Variants in LRRC49 observed in about 807,000 individuals in gnomAD.
LRRC49 encodes the protein leucine-rich repeat-containing protein 49.
LRRC49 carries 50 observed loss-of-function variants against 83.3 expected under a neutral mutation model. That is an observed-to-expected ratio of 0.60 (90% CI 0.48 to 0.76). LRRC49 has a LOEUF of 0.76. Among genes scored for constraint, LRRC49 ranks in the 30% least tolerant of loss-of-function variants. The pLI, the probability that LRRC49 is intolerant of heterozygous loss-of-function variation, is 0.00. For synonymous variants in LRRC49, 286 were observed against 283.3 expected (o/e 1.01, Z -0.10); for missense variants, 704 against 809.1 (o/e 0.87, Z 1.58).
intron 14 of LRRC49, among the ~76,000 whole-genome samples, chr15:71,017,733 A>G (rs538063798): frequency 1.2e-4 from 19 of 152,316 alleles, no homozygotes; most frequent in Admixed American, 5.2e-4. Flanking sequence ...ATTCAGGACA[A>G]TGTACACTGT....
At chr15:71,038,230 CTAGATATA>C (rs2039585916) in intron 15 of LRRC49, among the ~76,000 whole-genome samples, 1 of 152,006 alleles carries the variant, frequency 6.6e-6, no homozygotes, top group African/African-American at 2.4e-5. Flanking sequence ...ATATGTATCT[CTAGATATA>C]TAGATATAAC....
chr15:71,047,481 C>T (rs2039886682), intron 15 of LRRC49, among the ~76,000 whole-genome samples: 1 of 152,092 alleles, frequency 6.6e-6, no homozygotes, highest in South Asian at 2.1e-4. Context: ...TCACTGTCAG[C>T]CTGGATGTTG....
chr15:70,964,149 A>G (rs2036709893), intron 9 of LRRC49, among the ~76,000 whole-genome samples: 1 of 152,144 alleles, frequency 6.6e-6, no homozygotes, highest in African/African-American at 2.4e-5. Context: ...TTCTGTTTAA[A>G]TTAATCATCG....
chr15:71,008,346 C>G, intron 11 of LRRC49, 33 bp from the exon 12 acceptor site: 1 of 1,290,892 alleles, frequency 7.7e-7, no homozygotes, highest in Non-Finnish European at 1.1e-6. Flanking sequence ...TGCATGATAT[C>G]TTTCATTTAA....
At chr15:70,912,720 A>G (rs1197100339) in intron 6 of LRRC49, among the ~76,000 whole-genome samples, 6 of 152,078 alleles carry the variant, frequency 3.9e-5, no homozygotes, top group Non-Finnish European at 5.9e-5. Flanking sequence ...TCTGTCGCCC[A>G]GGCTGGAGTG....
upstream of LRRC49, among the ~76,000 whole-genome samples, chr15:70,889,223 A>G (rs138298449): frequency 6.6e-6 from 1 of 152,364 alleles, no homozygotes; most frequent in East Asian, 1.9e-4. Flanking sequence ...GTATATTCAT[A>G]CAATGGAATA....
At chr15:70,984,884 G>C (rs1419426119) in intron 11 of LRRC49, among the ~76,000 whole-genome samples, 17 of 149,164 alleles carry the variant, frequency 1.1e-4, no homozygotes, top group Non-Finnish European at 1.5e-4. Context: ...GCGGTGTTTG[G>C]TTTTCTGTTC....
intron 1 of LRRC49, chr15:70,859,106 G>T (rs557868869): frequency 6.9e-7 from 1 of 1,455,318 alleles, no homozygotes; most frequent in Non-Finnish European, 9.6e-7. Flanking sequence ...GCAGAAGATG[G>T]CTCGGAACAA....
At chr15:70,958,198 C>A (rs2036471393) in intron 8 of LRRC49, among the ~76,000 whole-genome samples, 1 of 152,162 alleles carries the variant, frequency 6.6e-6, no homozygotes, top group African/African-American at 2.4e-5. Flanking sequence ...CTGTTTTTCA[C>A]CTCTGTTACC....
rs535645812 is a variant in LRRC49, at chr15:70,990,052, C to T, written c.1169+5795C>T. On this transcript the variant is annotated intron_variant, in intron 11 of 15. Transcript: ENST00000260382. ...GTCATTCTGCCCCTACTGGGGGGTGCCTCCCAGTTAGGCTGCTCGGGGGTC... is the reference window on the plus strand; with the variant it reads ...GTCATTCTGCCCCTACTGGGGGGTGTCTCCCAGTTAGGCTGCTCGGGGGTC... Among the ~76,000 whole-genome samples the T allele has an allele frequency of 2.5e-4, 38 of 152,228 alleles. No homozygotes were observed. In the East Asian group the frequency reaches 3.5e-3, roughly 14 times the overall value.
intron 7 of LRRC49, among the ~76,000 whole-genome samples, chr15:70,933,045 C>T (rs959428374): frequency 1.3e-5 from 2 of 152,016 alleles, no homozygotes; most frequent in African/African-American, 4.8e-5. Flanking sequence ...TTCTTTTATG[C>T]AGTTTAGGGA....
intron 10 of LRRC49, among the ~76,000 whole-genome samples, chr15:70,982,337 G>A (rs555778456): frequency 4.6e-5 from 7 of 151,946 alleles, no homozygotes; most frequent in Admixed American, 1.3e-4. Flanking sequence ...CCTTGATACT[G>A]AGTAAAAAAA....
At chr15:71,049,149 A>G (rs944164442) in intron 15 of LRRC49, among the ~76,000 whole-genome samples, 7 of 152,204 alleles carry the variant, frequency 4.6e-5, no homozygotes, top group African/African-American at 1.4e-4. Flanking sequence ...CAACAATTCC[A>G]GTAAAGAAAC....
intron 2 of LRRC49, chr15:70,882,800 T>C: frequency 6.2e-7 from 1 of 1,614,200 alleles, no homozygotes; most frequent in Non-Finnish European, 8.5e-7. Flanking sequence ...GAAATTTGTG[T>C]ACTTTTATGC....
chr15:70,904,289 G>A (rs1322282068), intron 4 of LRRC49, among the ~76,000 whole-genome samples: 2 of 152,136 alleles, frequency 1.3e-5, no homozygotes, highest in Non-Finnish European at 2.9e-5. Context: ...AATTTCATGT[G>A]AAATAACTTA....
chr15:70,989,132 G>A (rs180771983), intron 11 of LRRC49, among the ~76,000 whole-genome samples: 5 of 152,112 alleles, frequency 3.3e-5, no homozygotes, highest in South Asian at 2.1e-4. Flanking sequence ...TGCTCTTCTC[G>A]AGGAGTATCT....
In LRRC49 at chr15:70,983,850, C is replaced by T. The variant is rs528071076; in HGVS notation, c.1006-244C>T. ...TATTTATTTTTAATAAAATTAAGTT[C>T]CTAAAGAGCAATAATTGTTTGCATT... On this transcript the variant is annotated intron_variant, in intron 10 of 15. Coordinates refer to ENST00000260382, the MANE Select transcript of LRRC49 (RefSeq NM_017691.5). 4.2e-3 allele frequency among the ~76,000 whole-genome samples: 642 copies of T among 151,884 alleles called. 2 individuals are homozygous for T. Among genetic ancestry groups the T allele is most frequent in the Non-Finnish European group, 6.8e-3 (465 of 67,952 alleles).
chr15:71,049,621 T>C lies in LRRC49; in HGVS notation c.*9T>C. 2 of 1,589,686 alleles carry C rather than the reference T, an allele frequency of 1.3e-6. No homozygotes were observed. Among genetic ancestry groups the C allele is most frequent in the Non-Finnish European group, 1.7e-6 (2 of 1,167,420 alleles). On this transcript the variant is annotated 3_prime_UTR_variant, in exon 16 of 16. Coordinates refer to ENST00000260382, the MANE Select transcript of LRRC49 (RefSeq NM_017691.5). Reference sequence around the variant, plus strand: ...TAACAGACCAAAAATAAAAATGGCCTTTAGTTACAGTTGATTTTGGCAGTT... The same window carrying C: ...TAACAGACCAAAAATAAAAATGGCCCTTAGTTACAGTTGATTTTGGCAGTT...
intron 2 of LRRC49, among the ~76,000 whole-genome samples, chr15:70,883,591 T>C (rs1241485035): frequency 6.6e-6 from 1 of 152,172 alleles, no homozygotes; most frequent in Non-Finnish European, 1.5e-5. Context: ...AGAAGTCTCC[T>C]TTAATAAGAT....
Sources: allele counts gnomAD v4.1 joint callset (sites outside exome capture counted in the v4.1 genomes callset), GRCh38; gene constraint gnomAD v4.1.1; transcripts MANE v1.5; gene names NCBI Gene and HGNC (gene_info 2026-07-23, HGNC 2026-07-21).